Variants in HBS1L observed in about 807,000 individuals in gnomAD.
HBS1L encodes the protein HBS1 like translational GTPase.
A neutral mutation model predicts 88.9 loss-of-function variants in HBS1L; 55 were observed. That is an observed-to-expected ratio of 0.62 (90% CI 0.50 to 0.77). HBS1L has a LOEUF of 0.77. Ranked by LOEUF, HBS1L falls within the 30% of genes least tolerant of loss-of-function variation. HBS1L has a pLI of 0.00. For missense variants in HBS1L, 741 were observed against 829.3 expected, an observed-to-expected ratio of 0.89 and a Z score of 1.31; for synonymous variants, 267 against 288.5, an observed-to-expected ratio of 0.93 and a Z score of 0.76.
At chr6:135,006,949 C>T (rs1583103756) in intron 4 of HBS1L, among the ~76,000 whole-genome samples, 2 of 152,268 alleles carry the variant, frequency 1.3e-5, no homozygotes, top group South Asian at 4.1e-4. Context: ...TCAATCCAGC[C>T]TTTATGACAC....
intron 5 of HBS1L, among the ~76,000 whole-genome samples, chr6:135,001,452 C>T (rs1164513837): frequency 1.3e-5 from 2 of 151,554 alleles, no homozygotes; most frequent in Admixed American, 1.3e-4. Flanking sequence ...ATCCTTAGAA[C>T]AATAAATTGT....
intron 15 of HBS1L, 72 bp from the exon 16 acceptor site, chr6:134,969,410 C>T: frequency 1.1e-6 from 1 of 899,616 alleles, no homozygotes; most frequent in Non-Finnish European, 1.8e-6. Flanking sequence ...GGCACTTATA[C>T]TTAATTATCT....
chr6:134,991,195 C>T (rs1399057982), intron 8 of HBS1L, among the ~76,000 whole-genome samples: 1 of 152,152 alleles, frequency 6.6e-6, no homozygotes, highest in Non-Finnish European at 1.5e-5. Flanking sequence ...TCCCAACACC[C>T]ATGGATACCA....
intron 5 of HBS1L, among the ~76,000 whole-genome samples, chr6:135,000,546 T>G (rs904291736): frequency 9.9e-5 from 15 of 152,154 alleles, no homozygotes; most frequent in Non-Finnish European, 1.5e-4. Flanking sequence ...CATTTCTACT[T>G]ACATGCACTT....
At chr6:135,015,953 C>G (rs1317937968) in intron 4 of HBS1L, among the ~76,000 whole-genome samples, 1 of 147,166 alleles carries the variant, frequency 6.8e-6, no homozygotes, top group Non-Finnish European at 1.5e-5. Context: ...GGCATGATCT[C>G]AGCTCACTGC....
At chr6:135,053,211 C>A (rs1777142395) in intron 1 of HBS1L, among the ~76,000 whole-genome samples, 1 of 152,186 alleles carries the variant, frequency 6.6e-6, no homozygotes, top group South Asian at 2.1e-4. Flanking sequence ...TCCCCCCAAT[C>A]CATTCTGAAT....
chr6:134,997,805 G>A, intron 5 of HBS1L, 149 bp from the exon 6 acceptor site: 1 of 716,044 alleles, frequency 1.4e-6, no homozygotes, highest in Non-Finnish European at 2.4e-6. Context: ...TGTTAAGGTG[G>A]AAATGATAAG....
rs2114732857 is a variant in HBS1L, at chr6:134,963,509, G to A, written c.*1770C>T. 1 of 152,440 alleles carries A rather than the reference G, an allele frequency of 6.6e-6. No homozygotes were observed. Among genetic ancestry groups the A allele is most frequent in the South Asian group, 2.1e-4 (1 of 4,816 alleles). The allele number at this position is 152,440 out of a possible 1,614,324, so 9.4% of individuals were successfully genotyped here. A position where few individuals can be genotyped will look rare whatever the true frequency, so the allele number is the denominator to read the frequency against. The stretch of plus-strand genomic sequence containing the variant: ...TGGCTCACTGCAGCCTCGACCTCCT[G>A]GGCTCAAGTGATCTTCCCACCCCAG... On this transcript the variant is annotated 3_prime_UTR_variant, in exon 18 of 18. Coordinates refer to ENST00000367837, the MANE Select transcript of HBS1L (RefSeq NM_006620.4).
chr6:135,005,447 A>T (rs765417365), intron 4 of HBS1L, among the ~76,000 whole-genome samples: 9 of 152,258 alleles, frequency 5.9e-5, no homozygotes, highest in Non-Finnish European at 1.2e-4. Context: ...CACTGGGGCT[A>T]TTATACTACA....
chr6:135,042,028 T>C lies in HBS1L; in HGVS notation c.208A>G (p.Asn70Asp). ...DLKESSNSVS[N>D]HQLSGFDQAR... ...TGATCAAATCCACTGAGCTGATGGT[T>C]TGAAACAGAATTGGAAGATTCTTTC... Residue 70 changes from asparagine to aspartate, a missense_variant, in exon 3 of 18, where the codon AAC becomes GAC. Coordinates refer to ENST00000367837, the MANE Select transcript of HBS1L (RefSeq NM_006620.4). 6.2e-7 allele frequency: 1 copy of C among 1,613,626 alleles called. No individual in the cohort carries two copies. Among genetic ancestry groups the C allele is most frequent in the Non-Finnish European group, 8.5e-7 (1 of 1,179,822 alleles).
chr6:135,006,316 C>T (rs889964193), intron 4 of HBS1L, among the ~76,000 whole-genome samples: 1 of 152,042 alleles, frequency 6.6e-6, no homozygotes. Flanking sequence ...GTAAAGCTCA[C>T]GGGAAATAAG....
At chr6:135,010,286 T>C (rs780105411) in intron 4 of HBS1L, among the ~76,000 whole-genome samples, 19 of 152,218 alleles carry the variant, frequency 1.2e-4, no homozygotes, top group Non-Finnish European at 1.8e-4. Context: ...TTACCCCATC[T>C]GAAAAATGTA....
intron 14 of HBS1L, among the ~76,000 whole-genome samples, 184 bp from the exon 15 acceptor site, chr6:134,978,971 A>C (rs1301508770): frequency 1.3e-5 from 2 of 152,080 alleles, no homozygotes; most frequent in Non-Finnish European, 2.9e-5. Context: ...ATTTTTATAC[A>C]TTAGAGCTTT....
At chr6:134,982,018 T>C (rs1774844924) in intron 13 of HBS1L, among the ~76,000 whole-genome samples, 1 of 152,084 alleles carries the variant, frequency 6.6e-6, no homozygotes, top group Non-Finnish European at 1.5e-5. Context: ...GGCATAAACA[T>C]GATCAAAGCT....
At chr6:135,026,385 C>T (rs1312866977) in intron 4 of HBS1L, among the ~76,000 whole-genome samples, 1 of 152,016 alleles carries the variant, frequency 6.6e-6, no homozygotes, top group Admixed American at 6.6e-5. Context: ...TATGTTATTA[C>T]ATGATAAAAA....
At chr6:135,017,737 T>A (rs984347952) in intron 4 of HBS1L, among the ~76,000 whole-genome samples, 1 of 152,026 alleles carries the variant, frequency 6.6e-6, no homozygotes, top group Non-Finnish European at 1.5e-5. Flanking sequence ...AGATAAATTA[T>A]GTTATCTCAA....
At chr6:135,054,399 T>C (rs1353225115) in intron 1 of HBS1L, among the ~76,000 whole-genome samples, 2 of 152,146 alleles carry the variant, frequency 1.3e-5, no homozygotes, top group South Asian at 2.1e-4. Flanking sequence ...CTCACCAATA[T>C]CCTACCCATA....
chr6:135,010,804 A>G lies in HBS1L; in HGVS notation c.431-7962T>C, dbSNP rs1775753351. 2.6e-5 allele frequency among the ~76,000 whole-genome samples: 4 copies of G among 152,300 alleles called. No individual in the cohort carries two copies. The South Asian group carries it at 8.3e-4, about 32-fold the overall frequency. On this transcript the variant is annotated intron_variant, in intron 4 of 17. Transcript: ENST00000367837. ...AGAATGACCAATAAAATAAACTAAG[A>G]ATAATAATGGGGGAGTTGAACTACC...
intron 15 of HBS1L, among the ~76,000 whole-genome samples, chr6:134,971,625 G>A (rs972678323): frequency 9.9e-5 from 15 of 152,094 alleles, no homozygotes; most frequent in Admixed American, 3.9e-4. Flanking sequence ...ATTATCACAC[G>A]AAAATAACAG....
Sources: allele counts gnomAD v4.1 joint callset (sites outside exome capture counted in the v4.1 genomes callset), GRCh38; gene constraint gnomAD v4.1.1; transcripts MANE v1.5; gene names NCBI Gene and HGNC (gene_info 2026-07-23, HGNC 2026-07-21).